The following HDAC9 variants were observed in gnomAD, a reference collection of about 807,000 sequenced individuals.
HDAC9 encodes MEF-2 interacting transcription repressor (MITR) protein.
In HDAC9, 41 loss-of-function variants were observed where a neutral mutation model predicts 139.4. That is an observed-to-expected ratio of 0.29 (90% CI 0.23 to 0.38). HDAC9 has a LOEUF of 0.38. Among genes scored for constraint, HDAC9 ranks in the 10% least tolerant of loss-of-function variants. The probability of loss-of-function intolerance (pLI) is 1.00; values close to 1 mark genes in which losing one functional copy is unlikely to be tolerated. For missense variants in HDAC9, 1,147 were observed against 1,297.0 expected, an observed-to-expected ratio of 0.88 and a Z score of 1.78; for synonymous variants, 517 against 476.2, an observed-to-expected ratio of 1.09 and a Z score of -1.12.
intron 2 of HDAC9, among the ~76,000 whole-genome samples, chr7:18,534,085 T>A (rs1300962694): frequency 6.6e-6 from 1 of 152,324 alleles, no homozygotes; most frequent in East Asian, 1.9e-4. Context: ...CCTTTCATGT[T>A]TGTTTTGATC....
chr7:18,523,468 C>T (rs1805736737), intron 2 of HDAC9, among the ~76,000 whole-genome samples: 1 of 152,162 alleles, frequency 6.6e-6, no homozygotes, highest in African/African-American at 2.4e-5. Context: ...ACATTCATAA[C>T]TGGGTAGATG....
At chr7:18,205,098 A>G (rs1385943188) in intron 2 of HDAC9, among the ~76,000 whole-genome samples, 1 of 151,952 alleles carries the variant, frequency 6.6e-6, no homozygotes, top group Non-Finnish European at 1.5e-5. Context: ...TATATGGCAT[A>G]CATTTTGATC....
intron 21 of HDAC9, among the ~76,000 whole-genome samples, chr7:18,874,096 G>A (rs1047223324): frequency 1.2e-4 from 18 of 151,942 alleles, no homozygotes; most frequent in Non-Finnish European, 2.2e-4. Flanking sequence ...AGCAAGCCGG[G>A]TTTTCACTAA....
intron 1 of HDAC9, among the ~76,000 whole-genome samples, chr7:18,128,734 G>C (rs1219705458): frequency 6.6e-6 from 1 of 151,350 alleles, no homozygotes; most frequent in African/African-American, 2.5e-5. Context: ...GTAGGGGTTA[G>C]GGAAGATAGC....
intron 22 of HDAC9, among the ~76,000 whole-genome samples, chr7:18,935,600 A>G (rs996200085): frequency 6.6e-6 from 1 of 152,154 alleles, no homozygotes; most frequent in Non-Finnish European, 1.5e-5. Context: ...GATACTTCTT[A>G]GCTGTGGGAT....
At chr7:18,953,069 G>T (rs1202656803) in intron 23 of HDAC9, among the ~76,000 whole-genome samples, 1 of 152,044 alleles carries the variant, frequency 6.6e-6, no homozygotes, top group African/African-American at 2.4e-5. Flanking sequence ...ACTCACATAT[G>T]TGGTGGAAAC....
At chr7:18,299,740 T>C (rs1258596158) in intron 1 of HDAC9, among the ~76,000 whole-genome samples, 1 of 152,160 alleles carries the variant, frequency 6.6e-6, no homozygotes, top group Non-Finnish European at 1.5e-5. Flanking sequence ...AAAGTATGAT[T>C]GGCGGAGGGG....
chr7:18,860,339 G>A (rs1798015540), intron 21 of HDAC9, among the ~76,000 whole-genome samples: 1 of 151,976 alleles, frequency 6.6e-6, no homozygotes, highest in African/African-American at 2.4e-5. Context: ...TAAGTTTTAA[G>A]AACATTTTAC....
chr7:18,817,920 TAAAAAC>T (rs1396772432), intron 17 of HDAC9, among the ~76,000 whole-genome samples: 1 of 152,148 alleles, frequency 6.6e-6, no homozygotes, highest in East Asian at 1.9e-4. Flanking sequence ...TCTTAAAAAA[TAAAAAC>T]AAAAACCTCA....
At chr7:18,362,041 G>A (rs1365504947) in intron 1 of HDAC9, among the ~76,000 whole-genome samples, 10 of 152,194 alleles carry the variant, frequency 6.6e-5, no homozygotes, top group African/African-American at 2.4e-4. Flanking sequence ...CTCCTAAGGA[G>A]TCACCAGAGG....
At chr7:18,737,098 TA>T (rs1354756473) in intron 13 of HDAC9, among the ~76,000 whole-genome samples, 3 of 152,236 alleles carry the variant, frequency 2.0e-5, no homozygotes, top group Non-Finnish European at 4.4e-5. Context: ...TTTCATTTTT[TA>T]TTGCGTCTAT....
intron 1 of HDAC9, 107 bp downstream of exon 1, chr7:18,496,130 G>A (rs1176491717): frequency 7.1e-7 from 1 of 1,406,344 alleles, no homozygotes; most frequent in South Asian, 1.3e-5. Flanking sequence ...TCCTCAGGGA[G>A]GAGGGAGAAC....
intron 25 of HDAC9, among the ~76,000 whole-genome samples, chr7:18,989,902 C>T (rs2129348838): frequency 6.6e-6 from 1 of 151,386 alleles, no homozygotes; most frequent in South Asian, 2.1e-4. Flanking sequence ...TTTTCAGCTC[C>T]ATCAGCTCCT....
At chr7:18,601,924 C>T (rs1213359562) in intron 6 of HDAC9, among the ~76,000 whole-genome samples, 2 of 152,080 alleles carry the variant, frequency 1.3e-5, no homozygotes, top group Non-Finnish European at 2.9e-5. Context: ...TGATCAATGG[C>T]TATCTATTCC....
chr7:18,096,827 C>T (rs1367438235), intron 1 of HDAC9, among the ~76,000 whole-genome samples: 4 of 152,058 alleles, frequency 2.6e-5, no homozygotes, highest in African/African-American at 9.7e-5. Flanking sequence ...CAGCAACTCT[C>T]ACATGAGAAG....
At chr7:18,949,507 G>T (rs946647688) in intron 23 of HDAC9, 2 of 216,706 alleles carry the variant, frequency 9.2e-6, no homozygotes, top group South Asian at 7.9e-5. Context: ...GGAAACTGTT[G>T]GCTGTACAGA....
At chr7:18,370,282 C>A (rs1268285087) in intron 1 of HDAC9, among the ~76,000 whole-genome samples, 2 of 152,052 alleles carry the variant, frequency 1.3e-5, no homozygotes. Flanking sequence ...CATATCCTTC[C>A]AAGCTAGCAG....
At chr7:18,719,223 A>G (rs1356227722) in intron 12 of HDAC9, among the ~76,000 whole-genome samples, 1 of 150,354 alleles carries the variant, frequency 6.7e-6, no homozygotes, top group Non-Finnish European at 1.5e-5. Flanking sequence ...TGATTTGCAG[A>G]TATTTTCTCT....
At chr7:18,763,230 A>T (rs1789539932) in intron 15 of HDAC9, among the ~76,000 whole-genome samples, 1 of 152,218 alleles carries the variant, frequency 6.6e-6, no homozygotes, top group South Asian at 2.1e-4. Flanking sequence ...TACAGTAGGT[A>T]GGTATCTTGG....
Sources: gnomAD v4.1 joint callset for allele counts (sites outside exome capture counted in the v4.1 genomes callset) on GRCh38, gnomAD v4.1.1 for gene constraint, MANE v1.5 for transcripts, NCBI Gene and HGNC (gene_info 2026-07-23, HGNC 2026-07-21) for gene names.